CNGB1: variants seen among roughly 807,000 people sequenced by gnomAD.
CNGB1 encodes cyclic nucleotide-gated channel beta-1.
In CNGB1, 126 loss-of-function variants were observed where a neutral mutation model predicts 151.7. The observed-to-expected ratio is 0.83, with a 90% CI of 0.72 to 0.96. The LOEUF (loss-of-function observed/expected upper bound fraction) is 0.96, where lower values mean the gene tolerates loss of function less well. CNGB1 is among the 40% of genes least tolerant of loss of function. The pLI is 0.00. For synonymous variants in CNGB1, 623 were observed against 635.1 expected, an observed-to-expected ratio of 0.98 and a Z score of 0.29; for missense variants, 1,698 against 1,627.0, an observed-to-expected ratio of 1.04 and a Z score of -0.75.
chr16:57,912,184 C>T (rs976606334), intron 24 of CNGB1, among the ~76,000 whole-genome samples: 9 of 151,880 alleles, frequency 5.9e-5, no homozygotes, highest in African/African-American at 1.9e-4. Flanking sequence ...GGGGCCATGT[C>T]GCCCCAGGAG....
chr16:57,951,124 T>C (rs562024276), intron 12 of CNGB1, among the ~76,000 whole-genome samples: 3 of 152,272 alleles, frequency 2.0e-5, no homozygotes, highest in Non-Finnish European at 4.4e-5. Flanking sequence ...CAATTTCAGA[T>C]GGGAGTCTAA....
intron 25 of CNGB1, among the ~76,000 whole-genome samples, chr16:57,910,704 G>T (rs1239626394): frequency 2.2e-5 from 2 of 92,376 alleles, no homozygotes; most frequent in Non-Finnish European, 4.2e-5. Context: ...TTCCCAAGCA[G>T]AGATTTTTTT....
intron 25 of CNGB1, among the ~76,000 whole-genome samples, chr16:57,907,945 G>A (rs911389984): frequency 5.3e-5 from 8 of 152,216 alleles, no homozygotes; most frequent in African/African-American, 9.6e-5. Context: ...CCAGGCTGGA[G>A]TGCAGCGATC....
At chr16:57,945,628 G>C (rs1391273065) in intron 14 of CNGB1, among the ~76,000 whole-genome samples, 2 of 152,240 alleles carry the variant, frequency 1.3e-5, no homozygotes, top group Admixed American at 1.3e-4. Context: ...GATTCTTCTG[G>C]ATTCTTCATC....
chr16:57,929,143 AAAAC>A (rs1455282471), intron 17 of CNGB1, among the ~76,000 whole-genome samples: 1 of 152,236 alleles, frequency 6.6e-6, no homozygotes, highest in Non-Finnish European at 1.5e-5. Context: ...CCTCAATATG[AAAAC>A]AAACAAACAC....
chr16:57,925,646 G>T (rs1596985143), intron 17 of CNGB1, among the ~76,000 whole-genome samples: 3 of 152,114 alleles, frequency 2.0e-5, no homozygotes, highest in African/African-American at 7.2e-5. Context: ...CTGACTTCCA[G>T]AAAATAGGTC....
intron 23 of CNGB1, 23 bp downstream of exon 23, chr16:57,915,226 G>C: frequency 6.3e-7 from 1 of 1,594,898 alleles, no homozygotes; most frequent in South Asian, 1.1e-5. Context: ...GAAGGCCTGG[G>C]GTGGTGGGCC....
At position 57,931,718 on chromosome 16, in the gene CNGB1, G is replaced by A; in HGVS notation, c.1533C>T (p.His511=). 6.2e-7 allele frequency: 1 copy of A among 1,614,090 alleles called. No homozygotes were observed. The highest frequency in any genetic ancestry group is 1.1e-5 in the South Asian group (1 of 91,042). The change falls in exon 17 of 33, where the codon CAC becomes CAT. Residue 511 remains histidine, a splice_region_variant and synonymous_variant. Transcript: ENST00000251102. The part of the protein sequence containing the change: ...LIVPSSASGT[H]RKKLPSEDDE... ...CCAAGAGAAGCATAAAAGGTAACCT[G>A]TGTGTCCCCGAGGCTGAGCTTGGGA... is the stretch of plus-strand genomic sequence containing the variant.
chr16:57,927,226 C>T (rs1961215194), intron 17 of CNGB1, among the ~76,000 whole-genome samples: 1 of 152,190 alleles, frequency 6.6e-6, no homozygotes, highest in Non-Finnish European at 1.5e-5. Flanking sequence ...AATGACCTGC[C>T]TTAAGACCCA....
chr16:57,959,596 G>A (rs1412838698), intron 10 of CNGB1, among the ~76,000 whole-genome samples: 4 of 122,210 alleles, frequency 3.3e-5, no homozygotes, highest in Admixed American at 1.9e-4. Context: ...AGCGAGACTC[G>A]GTCTCAAAAA....
In CNGB1 at chr16:57,936,009, G is replaced by A. The variant is rs116320869; in HGVS notation, c.1372+3421C>T. 7.6e-3 allele frequency among the ~76,000 whole-genome samples: 1,154 copies of A among 152,198 alleles called. 13 individuals are homozygous for A. The highest frequency in any genetic ancestry group is 0.026 in the African/African-American group (1,069 of 41,520). ...CTGATCTCAGAGGCAGCTCTGCACC[G>A]TGTCAACCACAAATAAACAAACAAG... On this transcript the variant is annotated intron_variant, in intron 16 of 32. Transcript: ENST00000251102.
Position 57,915,286 on chromosome 16 carries a change from C to A in CNGB1, c.2267G>T (p.Gly756Val). The change falls in exon 23 of 33, where the codon GGT (glycine) becomes GTT (valine). Residue 756 changes from glycine to valine, a missense_variant. Coordinates refer to ENST00000251102, the MANE Select transcript of CNGB1 (RefSeq NM_001297.5). The stretch of plus-strand genomic sequence containing the variant: ...GGGCAGGCGGAGGAGGGGGTTCACA[C>A]CGACTTTCAAATAGAGAAAATCCAA... ...LPLDFLYLKV[G>V]VNPLLRLPRC... 6 of 1,613,996 alleles carry A rather than the reference C, an allele frequency of 3.7e-6. No individual in the cohort carries two copies. Among genetic ancestry groups the A allele is most frequent in the Non-Finnish European group, 5.1e-6 (6 of 1,179,938 alleles).
chr16:57,898,013 A>G, intron 29 of CNGB1, 99 bp from the exon 30 acceptor site: 2 of 1,234,584 alleles, frequency 1.6e-6, no homozygotes, highest in Non-Finnish European at 2.4e-6. Context: ...GCAAGGAGGA[A>G]CCTAGGCACT....
intron 14 of CNGB1, among the ~76,000 whole-genome samples, 200 bp from the exon 15 acceptor site, chr16:57,940,521 T>G (rs1194663513): frequency 2.0e-5 from 3 of 152,070 alleles, no homozygotes; most frequent in African/African-American, 7.2e-5. Context: ...AGCAAGGCAC[T>G]GTGAAGGACA....
chr16:57,944,990 A>G (rs1961769492), intron 14 of CNGB1, among the ~76,000 whole-genome samples: 2 of 151,760 alleles, frequency 1.3e-5, no homozygotes, highest in South Asian at 2.1e-4. Context: ...AAGAAAAAAT[A>G]ATTAACTTTT....
At chr16:57,901,127 GC>G (rs1960372990) in intron 29 of CNGB1, among the ~76,000 whole-genome samples, 2 of 152,156 alleles carry the variant, frequency 1.3e-5, no homozygotes, top group African/African-American at 4.8e-5. Flanking sequence ...GCTTTGCAAA[GC>G]CCGAGGCACA....
chr16:57,911,530 C>T (rs1271625656), intron 25 of CNGB1, among the ~76,000 whole-genome samples: 1 of 152,204 alleles, frequency 6.6e-6, no homozygotes. Flanking sequence ...ATCAGGTGAT[C>T]CGCCTGCCTT....
intron 27 of CNGB1, 142 bp from the exon 28 acceptor site, chr16:57,901,767 C>T (rs567708894): frequency 1.9e-4 from 137 of 718,064 alleles, no homozygotes; most frequent in Non-Finnish European, 3.1e-4. Context: ...GTAGTGCACC[C>T]TCTCTCACCT....
rs984078141 is a variant in CNGB1 at position 57,955,647 on chromosome 16, G to A, written c.874+1694C>T. Among the ~76,000 whole-genome samples the A allele has an allele frequency of 3.3e-5, 5 of 152,186 alleles. No homozygotes were observed. In the East Asian group the frequency reaches 9.6e-4, roughly 29 times the overall value. On this transcript the variant is annotated intron_variant, in intron 12 of 32. Coordinates refer to ENST00000251102, the MANE Select transcript of CNGB1 (RefSeq NM_001297.5). ...AGGATCTCAAAGTGAGATCATCCCG[G>A]ATTGAGGGTGGGCCCTAAATCCAGT...
Sources: gnomAD v4.1 joint callset for allele counts (sites outside exome capture counted in the v4.1 genomes callset) on GRCh38, gnomAD v4.1.1 for gene constraint, MANE v1.5 for transcripts, NCBI Gene and HGNC (gene_info 2026-07-23, HGNC 2026-07-21) for gene names.